MKLN1: variants seen among roughly 807,000 people sequenced by gnomAD.
The protein encoded by MKLN1 is muskelin.
In MKLN1, 18 loss-of-function variants were observed where a neutral mutation model predicts 99.0. The ratio of observed to expected loss-of-function variants is 0.18; its 90% CI spans 0.13 to 0.27. The LOEUF (loss-of-function observed/expected upper bound fraction) is 0.27, where lower values mean the gene tolerates loss of function less well. Ranked by LOEUF, MKLN1 falls within the 10% of genes least tolerant of loss-of-function variation. The pLI is 1.00. For missense variants in MKLN1, 621 were observed against 875.9 expected (o/e 0.71, Z 3.67); for synonymous variants, 288 against 293.2 (o/e 0.98, Z 0.18).
chr7:131,201,042 CAG>C (rs1796719597), intron 2 of MKLN1, among the ~76,000 whole-genome samples: 1 of 152,042 alleles, frequency 6.6e-6, no homozygotes, highest in African/African-American at 2.4e-5. Context: ...TTTTTGGAGA[CAG>C]AGTCTTGCTC....
intron 2 of MKLN1, among the ~76,000 whole-genome samples, chr7:131,198,741 G>A (rs1452635980): frequency 1.3e-5 from 2 of 152,076 alleles, no homozygotes; most frequent in Non-Finnish European, 2.9e-5. Context: ...TTTTAAAAAT[G>A]ACTATTATTT....
chr7:131,369,593 T>C (rs1584660874), intron 1 of MKLN1, among the ~76,000 whole-genome samples: 1 of 152,220 alleles, frequency 6.6e-6, no homozygotes, highest in East Asian at 1.9e-4. Context: ...TTGCATACTC[T>C]AGATATGAAT....
intron 3 of MKLN1, among the ~76,000 whole-genome samples, chr7:131,274,064 G>A (rs968351173): frequency 6.6e-6 from 1 of 152,122 alleles, no homozygotes; most frequent in African/African-American, 2.4e-5. Context: ...GGAGTATAGG[G>A]ACAACTGTGC....
chr7:131,469,323 A>T (rs1796753309), intron 15 of MKLN1, among the ~76,000 whole-genome samples: 3 of 152,108 alleles, frequency 2.0e-5, no homozygotes, highest in Admixed American at 2.0e-4. Flanking sequence ...ACATGTCCTT[A>T]TGTGTCTCAC....
chr7:131,306,321 G>A (rs917899219), intron 3 of MKLN1, among the ~76,000 whole-genome samples: 1 of 152,232 alleles, frequency 6.6e-6, no homozygotes, highest in Admixed American at 6.5e-5. Flanking sequence ...AAATGTGGAA[G>A]TGACTTTGGA....
At chr7:131,395,101 A>AT (rs1309410061) in intron 4 of MKLN1, among the ~76,000 whole-genome samples, 1 of 152,078 alleles carries the variant, frequency 6.6e-6, no homozygotes, top group African/African-American at 2.4e-5. Flanking sequence ...ATCTTCCAAA[A>AT]TTCTAATTTT....
chr7:131,343,721 T>C (rs757161419), intron 1 of MKLN1, among the ~76,000 whole-genome samples: 1 of 152,186 alleles, frequency 6.6e-6, no homozygotes, highest in East Asian at 1.9e-4. Flanking sequence ...TTTACTCTTT[T>C]GAGGAAATGA....
chr7:131,478,616 T>TTTTA lies in MKLN1; in HGVS notation c.2032-7_2032-6insTTTA, dbSNP rs1554374143. The TTTTA allele has an allele frequency of 2.9e-5, 41 of 1,411,236 alleles. No individual in the cohort carries two copies. Among genetic ancestry groups the TTTTA allele is most frequent in the South Asian group, 1.6e-4 (9 of 57,508 alleles). The allele number at this position is 1,411,236 out of a possible 1,614,324, so 87.4% of individuals were successfully genotyped here. A position where few individuals can be genotyped will look rare whatever the true frequency, so the allele number is the denominator to read the frequency against. On this transcript the variant is annotated splice_region_variant and splice_polypyrimidine_tract_variant and intron_variant, in intron 16 of 17. Coordinates refer to ENST00000352689, the MANE Select transcript of MKLN1 (RefSeq NM_013255.5). ...GCTTCTTTTTTTTTTTTTTTTTTTT[T>TTTTA]AAACAGTTTCAGCTCCTGGCATCAG...
chr7:131,174,617 T>A (rs1334509004), intron 2 of MKLN1, among the ~76,000 whole-genome samples: 1 of 152,186 alleles, frequency 6.6e-6, no homozygotes, highest in East Asian at 1.9e-4. Flanking sequence ...AAGGCAGGAA[T>A]GCAAGATGAT....
chr7:131,148,425 C>G (rs1274131195), intron 2 of MKLN1, among the ~76,000 whole-genome samples: 4 of 152,088 alleles, frequency 2.6e-5, no homozygotes, highest in Non-Finnish European at 4.4e-5. Flanking sequence ...AGAAATAAAG[C>G]ACATAATTGT....
chr7:131,114,772 C>T (rs528960272), intron 1 of MKLN1, among the ~76,000 whole-genome samples: 1 of 151,952 alleles, frequency 6.6e-6, no homozygotes, highest in Admixed American at 6.6e-5. Context: ...ATGGCAAAAC[C>T]CCATCTCTAC....
chr7:131,370,296 G>A (rs977169012), intron 1 of MKLN1, among the ~76,000 whole-genome samples: 1 of 149,782 alleles, frequency 6.7e-6, no homozygotes. Flanking sequence ...CAGTTTCTGG[G>A]TTTGTGTTTC....
chr7:131,280,355 C>T lies in MKLN1; in HGVS notation c.-179+77381C>T, dbSNP rs189874922. Among the ~76,000 whole-genome samples the T allele has an allele frequency of 1.9e-3, 287 of 152,170 alleles. 1 individual carries two copies. The highest frequency in any genetic ancestry group is 6.4e-3 in the African/African-American group (267 of 41,518). On this transcript the variant is annotated intron_variant, in intron 3 of 7. Transcript: ENST00000416992. The stretch of plus-strand genomic sequence containing the variant: ...TAGAATTCCTGAGTAATTTGGTAAC[C>T]GTATGTTCAGCATTTTGAGGAACTG...
intron 2 of MKLN1, among the ~76,000 whole-genome samples, chr7:131,168,246 T>C (rs936684620): frequency 4.6e-5 from 7 of 152,184 alleles, no homozygotes; most frequent in African/African-American, 1.7e-4. Context: ...CTGAGGATCC[T>C]GACATCAATG....
chr7:131,447,746 T>C (rs2116530366), intron 12 of MKLN1, among the ~76,000 whole-genome samples: 1 of 152,312 alleles, frequency 6.6e-6, no homozygotes, highest in Non-Finnish European at 1.5e-5. Context: ...GGTAATGTAT[T>C]CCCATGGATA....
intron 6 of MKLN1, among the ~76,000 whole-genome samples, chr7:131,402,220 A>G (rs1180357268): frequency 1.3e-5 from 2 of 152,342 alleles, no homozygotes; most frequent in Admixed American, 1.3e-4. Context: ...CATCTTCATC[A>G]GGAGCAGTTT....
chr7:131,155,593 C>T (rs535800945), intron 2 of MKLN1, among the ~76,000 whole-genome samples: 2 of 152,052 alleles, frequency 1.3e-5, no homozygotes, highest in South Asian at 4.1e-4. Context: ...ACTTTGTAAA[C>T]ACTATTTTAC....
At chr7:131,270,771 G>A (rs1002344045) in intron 3 of MKLN1, among the ~76,000 whole-genome samples, 1 of 152,004 alleles carries the variant, frequency 6.6e-6, no homozygotes, top group Non-Finnish European at 1.5e-5. Context: ...GGAGAGAAAG[G>A]TTCTAAATAA....
In MKLN1 at chr7:131,494,504, G is replaced by A. The variant is rs1797503952; in HGVS notation, c.*6776G>A. Reference sequence around the variant, plus strand: ...CTCCCAAATTTAATAAGATATCAAAGTCCAAAAGGTTACTTAGGAGTAGTC... The same window carrying A: ...CTCCCAAATTTAATAAGATATCAAAATCCAAAAGGTTACTTAGGAGTAGTC... On this transcript the variant is annotated 3_prime_UTR_variant, in exon 18 of 18. Transcript: ENST00000352689. 6.6e-6 allele frequency: 1 copy of A among 151,972 alleles called. No individual in the cohort carries two copies. Among genetic ancestry groups the A allele is most frequent in the Non-Finnish European group, 1.5e-5 (1 of 68,030 alleles). 9.4% of individuals were successfully genotyped at this position (151,972 alleles called of 1,614,324 possible). A position where few individuals can be genotyped will look rare whatever the true frequency, so the allele number is the denominator to read the frequency against.
Sources: allele counts gnomAD v4.1 joint callset (sites outside exome capture counted in the v4.1 genomes callset), GRCh38; gene constraint gnomAD v4.1.1; transcripts MANE v1.5; gene names NCBI Gene and HGNC (gene_info 2026-07-23, HGNC 2026-07-21).